The following DNAH11 variants were observed in gnomAD, a reference collection of about 807,000 sequenced individuals.
DNAH11 encodes dynein axonemal heavy chain 11, also known as axonemal beta dynein heavy chain 11.
In DNAH11, 442 loss-of-function variants were observed where a neutral mutation model predicts 526.0. The ratio of observed to expected loss-of-function variants is 0.84; its 90% CI spans 0.78 to 0.91. The LOEUF (loss-of-function observed/expected upper bound fraction) is 0.91. DNAH11 is among the 40% of genes least tolerant of loss of function. DNAH11 has a pLI of 0.00. For synonymous variants in DNAH11, 2,461 were observed against 1,935.9 expected (o/e 1.27, Z -7.12); for missense variants, 6,989 against 5,448.7 (o/e 1.28, Z -8.90).
intron 30 of DNAH11, among the ~76,000 whole-genome samples, chr7:21,675,273 C>T (rs1342559753): frequency 6.6e-6 from 1 of 152,174 alleles, no homozygotes; most frequent in African/African-American, 2.4e-5. Context: ...CCTATGCCGC[C>T]CACTCCTGCC....
chr7:21,570,375 G>C lies in DNAH11; in HGVS notation c.1425+76G>C, dbSNP rs1006690055. Reference sequence around the variant, plus strand: ...CCAGTAGCTTTTCACATGATTCATGGAACAGTTTACTTTATATCATAGGTG... The same window carrying C: ...CCAGTAGCTTTTCACATGATTCATGCAACAGTTTACTTTATATCATAGGTG... On this transcript the variant is annotated intron_variant, in intron 7 of 81. Transcript: ENST00000409508. 2.3e-5 allele frequency: 28 copies of C among 1,227,102 alleles called. No homozygotes were observed. In the Admixed American group the frequency reaches 6.6e-4, roughly 29 times the overall value. The allele number at this position is 1,227,102 out of a possible 1,614,324, so 76.0% of individuals were successfully genotyped here.
At chr7:21,824,894 CAG>C (rs1351445356) in intron 65 of DNAH11, among the ~76,000 whole-genome samples, 1 of 152,096 alleles carries the variant, frequency 6.6e-6, no homozygotes, top group Non-Finnish European at 1.5e-5. Context: ...GTTTTTGAAA[CAG>C]AGTCTTGCTC....
chr7:21,697,090 GGT>G (rs1371020975), intron 35 of DNAH11, among the ~76,000 whole-genome samples: 1 of 152,100 alleles, frequency 6.6e-6, no homozygotes, highest in Non-Finnish European at 1.5e-5. Flanking sequence ...ATGAAAATCA[GGT>G]ATGCATGAAG....
intron 74 of DNAH11, among the ~76,000 whole-genome samples, chr7:21,877,892 A>T (rs1469519407): frequency 6.6e-6 from 1 of 151,076 alleles, no homozygotes; most frequent in Non-Finnish European, 1.5e-5. Context: ...AAAAAAAAAA[A>T]AAAAAAGAGC....
chr7:21,620,436 T>G (rs1263911543), intron 25 of DNAH11, among the ~76,000 whole-genome samples: 1 of 152,136 alleles, frequency 6.6e-6, no homozygotes, highest in East Asian at 1.9e-4. Context: ...TTCTATGAGT[T>G]CAACTTTTTT....
At chr7:21,777,132 T>C (rs2189020) in intron 56 of DNAH11, among the ~76,000 whole-genome samples, 53,185 of 152,018 alleles carry the variant, frequency 0.35, 10,131 homozygotes, top group Non-Finnish European at 0.44. Flanking sequence ...CCATCACTAA[T>C]CTATTCTCCA....
intron 25 of DNAH11, among the ~76,000 whole-genome samples, chr7:21,622,021 G>A (rs1178784134): frequency 6.6e-6 from 1 of 152,142 alleles, no homozygotes; most frequent in East Asian, 1.9e-4. Flanking sequence ...AAAAGAGGAA[G>A]TCAAATTGTC....
chr7:21,770,315 A>G (rs1042340779), intron 55 of DNAH11, among the ~76,000 whole-genome samples: 1 of 152,226 alleles, frequency 6.6e-6, no homozygotes, highest in East Asian at 1.9e-4. Flanking sequence ...CCTTATGCAC[A>G]TAGTGCAAAG....
At chr7:21,682,053 T>G (rs1783165048) in intron 31 of DNAH11, among the ~76,000 whole-genome samples, 1 of 152,190 alleles carries the variant, frequency 6.6e-6, no homozygotes, top group Non-Finnish European at 1.5e-5. Flanking sequence ...TATGTGTATG[T>G]GATTTAAACC....
At chr7:21,607,537 A>G (rs1268671489) in intron 20 of DNAH11, among the ~76,000 whole-genome samples, 1 of 152,184 alleles carries the variant, frequency 6.6e-6, no homozygotes, top group African/African-American at 2.4e-5. Context: ...AGTCCTTACT[A>G]TATGTCAAGA....
At chr7:21,758,800 A>C (rs1344588524) in intron 54 of DNAH11, among the ~76,000 whole-genome samples, 1 of 152,326 alleles carries the variant, frequency 6.6e-6, no homozygotes, top group East Asian at 1.9e-4. Flanking sequence ...TTTGGAAAGC[A>C]TGTCGTGCTT....
In DNAH11 at chr7:21,687,105, T is replaced by C. The variant is rs892430961; in HGVS notation, c.5628T>C (p.Tyr1876=). The C allele has an allele frequency of 1.2e-6, 2 of 1,612,724 alleles. No homozygotes were observed. Among genetic ancestry groups the C allele is most frequent in the Non-Finnish European group, 8.5e-7 (1 of 1,179,438 alleles). Residue 1876 remains tyrosine, a synonymous_variant, in exon 33 of 82, where the codon TAT becomes TAC. Coordinates refer to ENST00000409508, the MANE Select transcript of DNAH11 (RefSeq NM_001277115.2). ...LVITPLTDRC[Y]ITLTQSLHLT... ...TGTTTTCTATTGCTTAAAGGTGTTA[T>C]ATTACCTTAACTCAATCACTTCATC...
intron 61 of DNAH11, among the ~76,000 whole-genome samples, chr7:21,799,295 T>G (rs1000130869): frequency 1.3e-5 from 2 of 152,134 alleles, no homozygotes; most frequent in African/African-American, 2.4e-5. Flanking sequence ...ATAAGTACTC[T>G]TAATAACCCA....
At chr7:21,708,038 G>A (rs1303068929) in intron 40 of DNAH11, among the ~76,000 whole-genome samples, 1 of 152,166 alleles carries the variant, frequency 6.6e-6, no homozygotes, top group African/African-American at 2.4e-5. Context: ...CAGCAGATTT[G>A]TACTCAGAGC....
chr7:21,682,416 C>T (rs1783182773), intron 31 of DNAH11, among the ~76,000 whole-genome samples: 1 of 150,378 alleles, frequency 6.6e-6, no homozygotes, highest in Non-Finnish European at 1.5e-5. Context: ...GTCCCAGCTA[C>T]TTGGGAGGCT....
At chr7:21,562,041 G>C (rs895096883) in intron 5 of DNAH11, among the ~76,000 whole-genome samples, 2 of 151,984 alleles carry the variant, frequency 1.3e-5, no homozygotes, top group African/African-American at 4.8e-5. Context: ...TACAGCAGGG[G>C]CTCTGTAAGA....
At chr7:21,808,118 A>G (rs756886960) in intron 63 of DNAH11, 69 bp downstream of exon 63, 3 of 1,263,508 alleles carry the variant, frequency 2.4e-6, no homozygotes, top group African/African-American at 1.5e-5. Flanking sequence ...TAAAACCCAC[A>G]TATATGCCAG....
At chr7:21,722,616 T>C (rs1274434614) in intron 44 of DNAH11, among the ~76,000 whole-genome samples, 9 of 152,176 alleles carry the variant, frequency 5.9e-5, no homozygotes, top group Non-Finnish European at 1.2e-4. Flanking sequence ...CTAGATCTTA[T>C]TTCAGCCATT....
At chr7:21,632,128 C>T (rs919705319) in intron 25 of DNAH11, among the ~76,000 whole-genome samples, 9 of 152,198 alleles carry the variant, frequency 5.9e-5, no homozygotes, top group African/African-American at 9.6e-5. Flanking sequence ...GTCCCGAGCT[C>T]TATGTTGGCC....
Sources: allele counts gnomAD v4.1 joint callset (sites outside exome capture counted in the v4.1 genomes callset), GRCh38; gene constraint gnomAD v4.1.1; transcripts MANE v1.5; gene names NCBI Gene and HGNC (gene_info 2026-07-23, HGNC 2026-07-21).